MAPK8IP3: variants seen among roughly 807,000 people sequenced by gnomAD.
MAPK8IP3 encodes the protein C-Jun-amino-terminal kinase-interacting protein 3.
MAPK8IP3 carries 49 observed loss-of-function variants against 157.8 expected under a neutral mutation model. The ratio of observed to expected loss-of-function variants is 0.31; its 90% CI spans 0.25 to 0.39. MAPK8IP3 has a LOEUF of 0.39. MAPK8IP3 is among the 10% of genes least tolerant of loss of function. The pLI is 1.00. For missense variants in MAPK8IP3, 1,478 were observed against 1,889.4 expected, an observed-to-expected ratio of 0.78 and a Z score of 4.04; for synonymous variants, 897 against 777.7, an observed-to-expected ratio of 1.15 and a Z score of -2.55.
intron 1 of MAPK8IP3, among the ~76,000 whole-genome samples, chr16:1,722,302 C>G (rs1228984899): frequency 2.0e-5 from 3 of 152,202 alleles, no homozygotes; most frequent in Non-Finnish European, 2.9e-5. Flanking sequence ...GCCTGCCCCT[C>G]CCGCCTCTGT....
chr16:1,737,928 A>G (rs867100554), intron 4 of MAPK8IP3, among the ~76,000 whole-genome samples: 136 of 43,834 alleles, frequency 3.1e-3, no homozygotes, highest in African/African-American at 0.014. Flanking sequence ...GTGACCATCC[A>G]TGTGAGCATC....
chr16:1,744,782 C>G, intron 5 of MAPK8IP3: 1 of 985,468 alleles, frequency 1.0e-6, no homozygotes, highest in Non-Finnish European at 1.2e-6. Context: ...TGTCTGACAT[C>G]GTCGCTCTCT....
At chr16:1,713,252 G>A (rs945929801) in intron 1 of MAPK8IP3, among the ~76,000 whole-genome samples, 1 of 151,868 alleles carries the variant, frequency 6.6e-6, no homozygotes, top group African/African-American at 2.4e-5. Flanking sequence ...ATTTTTAGTT[G>A]TATTTACTTG....
Position 1,748,289 on chromosome 16 carries a change from A to C in MAPK8IP3, c.1040A>C (p.Asp347Ala), listed in dbSNP as rs2041089866. The change falls in exon 7 of 32, where the codon GAC becomes GCC. Residue 347 changes from aspartate (D) to alanine (A), a missense_variant. By Grantham distance (126) the Asp-to-Ala change is moderately radical. Coordinates refer to ENST00000610761, the MANE Select transcript of MAPK8IP3 (RefSeq NM_001318852.2). ...TGGTCTGATGTTCAAGACATTATTG[A>C]CTCCACGCCAGAGCTGGACATGTGT... ...DEWSDVQDII[D>A]STPELDMCPE... The C allele has an allele frequency of 6.2e-7, 1 of 1,613,604 alleles. No homozygotes were observed. The highest frequency in any genetic ancestry group is 8.5e-7 in the Non-Finnish European group (1 of 1,179,906).
intron 1 of MAPK8IP3, among the ~76,000 whole-genome samples, chr16:1,711,250 G>T (rs1170479384): frequency 6.6e-6 from 1 of 152,230 alleles, no homozygotes; most frequent in African/African-American, 2.4e-5. Flanking sequence ...GCTGTGTAAG[G>T]GGCTCAGGGG....
chr16:1,760,434 C>A lies in MAPK8IP3; in HGVS notation c.1359C>A (p.Ser453=). 6.2e-7 allele frequency: 1 copy of A among 1,613,908 alleles called. No individual in the cohort carries two copies. The highest frequency in any genetic ancestry group is 1.3e-5 in the African/African-American group (1 of 75,042). ...TGATTGCCAAGGTCGACCAGCTGTC[C>A]GGGGAGCAGGAGGTGCTGAGGGGCG... ...NDLIAKVDQL[S]GEQEVLRGEL... is the part of the protein sequence containing the mutation. Residue 453 remains serine (S), a synonymous_variant, in exon 12 of 32, where the codon TCC becomes TCA. Coordinates refer to ENST00000610761, the MANE Select transcript of MAPK8IP3 (RefSeq NM_001318852.2).
At chr16:1,731,057 T>C (rs2039286131) in intron 4 of MAPK8IP3, among the ~76,000 whole-genome samples, 1 of 151,670 alleles carries the variant, frequency 6.6e-6, no homozygotes, top group Non-Finnish European at 1.5e-5. Context: ...GGAGAATTGC[T>C]TGAGCTTGGG....
At chr16:1,747,486 GTCC>G (rs1210285531) in intron 6 of MAPK8IP3, among the ~76,000 whole-genome samples, 1 of 152,156 alleles carries the variant, frequency 6.6e-6, no homozygotes, top group Non-Finnish European at 1.5e-5. Flanking sequence ...TTCTCCCTGT[GTCC>G]TCAACAGGCA....
chr16:1,740,150 G>A (rs557009957), intron 4 of MAPK8IP3, among the ~76,000 whole-genome samples: 9 of 135,212 alleles, frequency 6.7e-5, no homozygotes, highest in East Asian at 2.3e-4. Flanking sequence ...GTGAGCTTCC[G>A]TGTGACCGTC....
chr16:1,770,331 G>A lies in MAPK8IP3; in HGVS notation c.*1507G>A, dbSNP rs560681148. 3.1e-6 allele frequency: 1 copy of A among 319,986 alleles called. No individual in the cohort carries two copies. Among genetic ancestry groups the A allele is most frequent in the Non-Finnish European group, 5.7e-6 (1 of 174,754 alleles). 19.8% of individuals were successfully genotyped at this position (319,986 alleles called of 1,614,324 possible). A position where few individuals can be genotyped will look rare whatever the true frequency, so the allele number is the denominator to read the frequency against. ...CTTAACGTCGTAGCTGCCTGTTCCT[G>A]GGCCCAAATCGAAACGAAAACGAGG... On this transcript the variant is annotated 3_prime_UTR_variant, in exon 32 of 32. Coordinates refer to ENST00000610761, the MANE Select transcript of MAPK8IP3 (RefSeq NM_001318852.2).
chr16:1,706,220 C>T lies in MAPK8IP3; in HGVS notation c.-120C>T, dbSNP rs963260754. 3 of 889,312 alleles carry T rather than the reference C, an allele frequency of 3.4e-6. No homozygotes were observed. Among genetic ancestry groups the T allele is most frequent in the Admixed American group, 8.6e-5 (2 of 23,344 alleles). The allele number at this position is 889,312 out of a possible 1,614,324, so 55.1% of individuals were successfully genotyped here. A position where few individuals can be genotyped will look rare whatever the true frequency, so the allele number is the denominator to read the frequency against. ...AGCCTCGGCAGCGGCGGCGGCGGAGCCCTGAGGCGACAGCAGCTGCGGGAG... is the reference window on the plus strand; with the variant it reads ...AGCCTCGGCAGCGGCGGCGGCGGAGTCCTGAGGCGACAGCAGCTGCGGGAG... On this transcript the variant is annotated 5_prime_UTR_variant, in exon 1 of 32. Transcript: ENST00000610761. The surrounding 1 kb of genome is among the most constrained non-coding windows in gnomAD (Gnocchi z 5.1).
rs1480986943 is a variant in MAPK8IP3 at position 1,758,195 on chromosome 16, T to C, written c.1228+36T>C. 3 of 1,611,892 alleles carry C rather than the reference T, an allele frequency of 1.9e-6. No homozygotes were observed. In the African/African-American group the frequency reaches 4.0e-5, roughly 22 times the overall value. ...CACTCTCCTGTCTGTCTCCCCTCTG[T>C]GTGACGGGGGGAGTGGGTGGACGGG... is the stretch of plus-strand genomic sequence containing the variant. On this transcript the variant is annotated intron_variant, in intron 9 of 31. Transcript: ENST00000610761.
In MAPK8IP3 at chr16:1,763,785, T is replaced by G; in HGVS notation, c.2025+2T>G. The G allele has an allele frequency of 7.3e-7, 1 of 1,366,432 alleles. No homozygotes were observed. Among genetic ancestry groups the G allele is most frequent in the Non-Finnish European group, 9.7e-7 (1 of 1,035,126 alleles). 84.6% of individuals were successfully genotyped at this position (1,366,432 alleles called of 1,614,324 possible). ...AGCCTGCCCGCCAAGTACAAGCAGG[T>G]GCGGGCGGGCGCTGCGGGGACCGGG... On this transcript the variant is annotated splice_donor_variant, in intron 17 of 31. Coordinates refer to ENST00000610761, the MANE Select transcript of MAPK8IP3 (RefSeq NM_001318852.2). LOFTEE classifies it high-confidence loss of function.
rs201858827 is a variant in MAPK8IP3 at position 1,748,213 on chromosome 16, T to G, written c.995-31T>G. On this transcript the variant is annotated intron_variant, in intron 6 of 31. Coordinates refer to ENST00000610761, the MANE Select transcript of MAPK8IP3 (RefSeq NM_001318852.2). The stretch of plus-strand genomic sequence containing the variant: ...GGGCAGAGGCTGCCAGACCCTCTCC[T>G]GACCCCAGGTGCCCCTGTGCTCTCC... The G allele has an allele frequency of 9.0e-6, 14 of 1,560,818 alleles. No individual in the cohort carries two copies. In the African/African-American group the frequency reaches 1.6e-4, roughly 18 times the overall value.
chr16:1,728,857 A>G (rs1263599727), intron 2 of MAPK8IP3, among the ~76,000 whole-genome samples: 1 of 147,074 alleles, frequency 6.8e-6, no homozygotes, highest in Non-Finnish European at 1.5e-5. Flanking sequence ...CACAGCACAC[A>G]CAGCAGCCCC....
rs550282307 is a variant in MAPK8IP3, at chr16:1,746,718, G to T, written c.748-311G>T. On this transcript the variant is annotated intron_variant, in intron 5 of 31. Coordinates refer to ENST00000610761, the MANE Select transcript of MAPK8IP3 (RefSeq NM_001318852.2). Reference sequence around the variant, plus strand: ...TACAGGGGGCTGCCGCTGTGTCCCTGGCGAGGCACTGGCCCATTACAAGCA... The same window carrying T: ...TACAGGGGGCTGCCGCTGTGTCCCTTGCGAGGCACTGGCCCATTACAAGCA... 7.7e-6 allele frequency: 3 copies of T among 387,618 alleles called. No individual in the cohort carries two copies. The South Asian group carries it at 1.1e-4, about 14-fold the overall frequency. 24.0% of individuals were successfully genotyped at this position (387,618 alleles called of 1,614,324 possible). A position where few individuals can be genotyped will look rare whatever the true frequency, so the allele number is the denominator to read the frequency against.
In MAPK8IP3 at chr16:1,724,756, C is replaced by T. The variant is rs936027521; in HGVS notation, c.439+79C>T. On this transcript the variant is annotated intron_variant, in intron 2 of 31. Transcript: ENST00000610761. The surrounding 1 kb of genome is among the most constrained non-coding windows in gnomAD (Gnocchi z 4.1). ...GGCTCTGGTTGGGGTGGGCATGGAG[C>T]GCCTTCCACACAAGGGGACGAGAGG... The T allele has an allele frequency of 2.0e-5, 31 of 1,555,414 alleles. No individual in the cohort carries two copies. The African/African-American group carries it at 3.3e-4, about 16-fold the overall frequency.
chr16:1,761,454 C>T (rs558757474), intron 13 of MAPK8IP3, 149 bp downstream of exon 13: 64 of 660,494 alleles, frequency 9.7e-5, no homozygotes, highest in African/African-American at 8.6e-4. Context: ...ACAGGCAGAG[C>T]GGCCACCATT....
Position 1,769,095 on chromosome 16 carries a change from C to A in MAPK8IP3, c.*271C>A. ...TGGCCAGCTTCCAGCCCAGAGTCCT[C>A]AAGTCCAGGGCACCTTGGGCCCAGC... On this transcript the variant is annotated 3_prime_UTR_variant, in exon 32 of 32. Transcript: ENST00000610761. 3.9e-6 allele frequency: 2 copies of A among 506,882 alleles called. No homozygotes were observed. Among genetic ancestry groups the A allele is most frequent in the Non-Finnish European group, 7.2e-6 (2 of 279,208 alleles). The allele number at this position is 506,882 out of a possible 1,614,324, so 31.4% of individuals were successfully genotyped here.
Sources: gnomAD v4.1 joint callset for allele counts (sites outside exome capture counted in the v4.1 genomes callset) on GRCh38, gnomAD v4.1.1 for gene constraint, Gnocchi (gnomAD v3.1) non-coding constraint, MANE v1.5 for transcripts, NCBI Gene and HGNC (gene_info 2026-07-23, HGNC 2026-07-21) for gene names.